Variants in TAMM41 observed in about 807,000 individuals in gnomAD.
TAMM41 encodes the protein phosphatidate cytidylyltransferase, mitochondrial.
TAMM41 carries 36 observed loss-of-function variants against 44.1 expected under a neutral mutation model. The observed-to-expected ratio is 0.82, with a 90% confidence interval of 0.63 to 1.08. TAMM41 has a LOEUF of 1.08. Ranked by LOEUF, TAMM41 falls within the 50% of genes least tolerant of loss-of-function variation. TAMM41 has a pLI of 0.00. For synonymous variants in TAMM41, 164 were observed against 153.1 expected, an observed-to-expected ratio of 1.07 and a Z score of -0.53; for missense variants, 417 against 404.3, an observed-to-expected ratio of 1.03 and a Z score of -0.27.
chr3:11,736,552 A>G, the TAMM41 span, among the ~76,000 whole-genome samples: 161 of 152,284 alleles, frequency 1.1e-3, 1 homozygote, highest in African/African-American at 3.7e-3. Flanking sequence ...TGATAGGCCC[A>G]CTGTAGTGAG....
rs11353823 is a variant in TAMM41 at position 11,827,309 on chromosome 3, C to CT, written c.562+2404dup. On this transcript the variant is annotated intron_variant, in intron 4 of 7. Transcript: ENST00000455809. ...AAGCTTTCTTTCTTTCTTTTCTTTT[C>CT]TTTTTTTTTTTTTGAGACACAAGAC... Among the ~76,000 whole-genome samples the CT allele has an allele frequency of 1.8e-3, 255 of 142,060 alleles. 7 individuals are homozygous for CT. In the East Asian group the frequency reaches 0.033, roughly 19 times the overall value. The allele number at this position is 142,060 out of a possible 152,430, so 93.2% of individuals were successfully genotyped here. A position where few individuals can be genotyped will look rare whatever the true frequency, so the allele number is the denominator to read the frequency against.
In TAMM41 at chr3:11,790,460, A is replaced by G. The variant is rs750997399; in HGVS notation, c.*45T>C. On this transcript the variant is annotated 3_prime_UTR_variant, in exon 8 of 8. Coordinates refer to ENST00000455809, the MANE Select transcript of TAMM41 (RefSeq NM_001284401.2). ...AACACTGTTCTGTCAAAAAGGATCA[A>G]ACACTTTATTCATCTACACATAACA... 6.6e-7 allele frequency: 1 copy of G among 1,516,912 alleles called. No individual in the cohort carries two copies. The allele number at this position is 1,516,912 out of a possible 1,614,324, so 94.0% of individuals were successfully genotyped here.
chr3:11,758,304 T>G, the TAMM41 span, among the ~76,000 whole-genome samples: 29 of 152,218 alleles, frequency 1.9e-4, no homozygotes, highest in Admixed American at 1.9e-3. Flanking sequence ...TCCAGGATTT[T>G]AAGTTGGGAG....
At chr3:11,801,359 T>C (rs1306783964) in intron 7 of TAMM41, among the ~76,000 whole-genome samples, 2 of 151,990 alleles carry the variant, frequency 1.3e-5, no homozygotes, top group Non-Finnish European at 2.9e-5. Context: ...TGAGACAGGG[T>C]CTTACTGTGT....
intron 5 of TAMM41, among the ~76,000 whole-genome samples, chr3:11,815,033 CATAA>C (rs1247982976): frequency 1.3e-5 from 2 of 152,062 alleles, no homozygotes; most frequent in Non-Finnish European, 2.9e-5. Context: ...GGAAAACAGA[CATAA>C]ATAAAGAAGG....
chr3:11,791,644 T>C (rs1285273478), intron 7 of TAMM41, among the ~76,000 whole-genome samples: 2 of 152,176 alleles, frequency 1.3e-5, no homozygotes, highest in Non-Finnish European at 2.9e-5. Context: ...GCTCTGGACA[T>C]GCCTAGCACT....
the TAMM41 span, among the ~76,000 whole-genome samples, chr3:11,759,928 C>T: frequency 1.3e-5 from 2 of 151,782 alleles, no homozygotes; most frequent in African/African-American, 2.4e-5. Flanking sequence ...GAGCCGAGAT[C>T]GCGCCATTGC....
chr3:11,742,589 C>CT, the TAMM41 span, among the ~76,000 whole-genome samples: 876 of 135,696 alleles, frequency 6.5e-3, 48 homozygotes, highest in African/African-American at 0.016. Context: ...CCATCGCTTG[C>CT]TTTTTTTTTT....
the TAMM41 span, among the ~76,000 whole-genome samples, chr3:11,769,435 G>T: frequency 6.6e-6 from 1 of 150,926 alleles, no homozygotes; most frequent in Non-Finnish European, 1.5e-5. Context: ...CAGGCAGCCA[G>T]TTGGATGGAT....
intron 5 of TAMM41, among the ~76,000 whole-genome samples, chr3:11,813,988 GTA>G (rs1330982647): frequency 8.5e-6 from 1 of 117,104 alleles, no homozygotes; most frequent in Admixed American, 9.7e-5. Flanking sequence ...ACACACCTGT[GTA>G]TACACACACA....
Position 11,846,735 on chromosome 3 carries a change from C to T in TAMM41, c.-99G>A. 1 of 1,487,570 alleles carries T rather than the reference C, an allele frequency of 6.7e-7. No homozygotes were observed. The highest frequency in any genetic ancestry group is 1.2e-5 in the South Asian group (1 of 83,482). The allele number at this position is 1,487,570 out of a possible 1,614,324, so 92.1% of individuals were successfully genotyped here. On this transcript the variant is annotated 5_prime_UTR_variant, in exon 1 of 8. Transcript: ENST00000455809. ...GCGGTTTAGGGTGGGAAATGGAAGTCGGAGACTGGATCGAGGGACACAAGG... is the reference window on the plus strand; with the variant it reads ...GCGGTTTAGGGTGGGAAATGGAAGTTGGAGACTGGATCGAGGGACACAAGG...
At chr3:11,787,564 G>A (rs1249710711), downstream of TAMM41, among the ~76,000 whole-genome samples, 1 of 151,884 alleles carries the variant, frequency 6.6e-6, no homozygotes, top group Non-Finnish European at 1.5e-5. Flanking sequence ...CCATTTTCTT[G>A]ACTAGACTGA....
the TAMM41 span, among the ~76,000 whole-genome samples, chr3:11,752,451 C>A: frequency 6.6e-6 from 1 of 151,922 alleles, no homozygotes; most frequent in Non-Finnish European, 1.5e-5. Flanking sequence ...CTGATTGGTC[C>A]ATTTTACAAA....
intron 7 of TAMM41, among the ~76,000 whole-genome samples, chr3:11,799,235 G>A (rs1254614046): frequency 6.6e-6 from 1 of 151,760 alleles, no homozygotes; most frequent in Non-Finnish European, 1.5e-5. Context: ...ACTCTGGCCT[G>A]AGCTAGAACC....
chr3:11,830,038 T>C, intron 3 of TAMM41, 174 bp from the exon 4 acceptor site: 1 of 574,232 alleles, frequency 1.7e-6, no homozygotes, highest in South Asian at 2.7e-5. Context: ...TCTCCTTGTT[T>C]TATGCCAAGG....
the TAMM41 span, among the ~76,000 whole-genome samples, chr3:11,723,525 G>A: frequency 1.3e-5 from 2 of 149,218 alleles, no homozygotes; most frequent in Non-Finnish European, 3.0e-5. Flanking sequence ...AGGCTACAGT[G>A]ATCTGTGTTG....
chr3:11,833,270 G>C, intron 3 of TAMM41: 1 of 740,664 alleles, frequency 1.4e-6, no homozygotes, highest in South Asian at 3.3e-5. Context: ...AATCTTTACT[G>C]TAGAGAAAGG....
intron 3 of TAMM41, among the ~76,000 whole-genome samples, chr3:11,835,829 C>T (rs1462539046): frequency 6.6e-6 from 1 of 152,150 alleles, no homozygotes; most frequent in African/African-American, 2.4e-5. Context: ...CCATCAGACT[C>T]ATCTACAGAT....
the TAMM41 span, among the ~76,000 whole-genome samples, chr3:11,769,456 G>A: frequency 6.6e-6 from 1 of 151,694 alleles, no homozygotes; most frequent in East Asian, 1.9e-4. Context: ...TAAGGGGTCA[G>A]CAGGCCAAAG....
Sources: allele counts gnomAD v4.1 joint callset (sites outside exome capture counted in the v4.1 genomes callset), GRCh38; gene constraint gnomAD v4.1.1; transcripts MANE v1.5; gene names NCBI Gene and HGNC (gene_info 2026-07-23, HGNC 2026-07-21).